The following DSCAM variants were observed in gnomAD, a reference collection of about 807,000 sequenced individuals.
The protein encoded by DSCAM is cell adhesion molecule DSCAM.
A neutral mutation model predicts 217.7 loss-of-function variants in DSCAM; 47 were observed. That is an observed-to-expected ratio of 0.22 (90% CI 0.17 to 0.28). The LOEUF (loss-of-function observed/expected upper bound fraction) is 0.28, where lower values mean the gene tolerates loss of function less well. Ranked by LOEUF, DSCAM falls within the 10% of genes least tolerant of loss-of-function variation. DSCAM has a pLI of 1.00. For synonymous variants in DSCAM, 1,056 were observed against 1,015.3 expected (o/e 1.04, Z -0.76); for missense variants, 2,080 against 2,618.3 (o/e 0.79, Z 4.49).
chr21:40,173,335 AC>A (rs1263926460), intron 15 of DSCAM, among the ~76,000 whole-genome samples: 1 of 152,166 alleles, frequency 6.6e-6, no homozygotes, highest in African/African-American at 2.4e-5. Context: ...AAGGGAAGAG[AC>A]GAAGAACATT....
chr21:40,309,776 C>G (rs1601538774), intron 9 of DSCAM, among the ~76,000 whole-genome samples: 2 of 152,300 alleles, frequency 1.3e-5, no homozygotes, highest in South Asian at 2.1e-4. Flanking sequence ...CTTCTCATGA[C>G]CTTAACATTA....
chr21:40,812,077 G>A (rs2091844727), intron 1 of DSCAM, among the ~76,000 whole-genome samples: 1 of 152,214 alleles, frequency 6.6e-6, no homozygotes, highest in South Asian at 2.1e-4. Flanking sequence ...AGGTTTACAG[G>A]GAAAATACCA....
At chr21:40,196,558 A>C (rs1426035767) in intron 11 of DSCAM, among the ~76,000 whole-genome samples, 2 of 151,428 alleles carry the variant, frequency 1.3e-5, no homozygotes, top group Admixed American at 6.6e-5. Context: ...TCCCCCACTA[A>C]TTGCCATTTC....
chr21:40,427,006 G>A (rs57864221), intron 3 of DSCAM, among the ~76,000 whole-genome samples: 22 of 152,260 alleles, frequency 1.4e-4, no homozygotes, highest in Admixed American at 2.0e-4. Context: ...TGTCAGCCCC[G>A]GGACCTGATG....
intron 20 of DSCAM, among the ~76,000 whole-genome samples, chr21:40,115,695 A>G (rs747804811): frequency 1.3e-5 from 2 of 152,208 alleles, no homozygotes; most frequent in Non-Finnish European, 2.9e-5. Flanking sequence ...ATGCTCATAC[A>G]CTGTTGATGG....
intron 3 of DSCAM, among the ~76,000 whole-genome samples, chr21:40,533,064 T>C (rs2076462138): frequency 6.6e-6 from 1 of 151,646 alleles, no homozygotes; most frequent in Admixed American, 6.6e-5. Flanking sequence ...ACTTTACAAG[T>C]TCAATGGAAA....
At chr21:40,095,751 C>G (rs1394094924) in intron 20 of DSCAM, among the ~76,000 whole-genome samples, 1 of 152,104 alleles carries the variant, frequency 6.6e-6, no homozygotes, top group Non-Finnish European at 1.5e-5. Context: ...AGAAATCAAT[C>G]AATCAAAATT....
Position 40,708,681 on chromosome 21 carries a change from G to C in DSCAM, c.134C>G (p.Pro45Arg). 6.2e-7 allele frequency: 1 copy of C among 1,612,592 alleles called. No individual in the cohort carries two copies. Among genetic ancestry groups the C allele is most frequent in the Non-Finnish European group, 8.5e-7 (1 of 1,179,368 alleles). ...AGGAGGGATGCCTGCTGCGGGGCAG[G>C]GCACCAGAGTCCCCGTGGTGCTGGC... ...VFASTTGTLV[P>R]CPAAGIPPVT... The change falls in exon 2 of 33, where the codon CCC becomes CGC. Residue 45 changes from proline (P) to arginine (R), a missense_variant. Pro to Arg is a moderately radical substitution (Grantham distance 103). Transcript: ENST00000400454.
chr21:40,219,738 T>C (rs2091274451), intron 11 of DSCAM, among the ~76,000 whole-genome samples: 3 of 152,240 alleles, frequency 2.0e-5, no homozygotes, highest in Admixed American at 2.0e-4. Context: ...TATCATTTAT[T>C]TTGTTTCTCT....
chr21:40,224,936 G>C (rs2091318617), intron 11 of DSCAM, among the ~76,000 whole-genome samples: 1 of 152,194 alleles, frequency 6.6e-6, no homozygotes, highest in Admixed American at 6.5e-5. Context: ...CCCACATGTA[G>C]TTGGCTCTAT....
chr21:40,515,290 G>C (rs1199855587), intron 3 of DSCAM, among the ~76,000 whole-genome samples: 1 of 151,998 alleles, frequency 6.6e-6, no homozygotes, highest in African/African-American at 2.4e-5. Flanking sequence ...ATATATAAAC[G>C]AAGGAACAGT....
chr21:40,297,373 C>T (rs13051169), intron 9 of DSCAM, among the ~76,000 whole-genome samples: 11,996 of 152,152 alleles, frequency 0.079, 488 homozygotes, highest in Middle Eastern at 0.11. Flanking sequence ...AGCAGATCAG[C>T]GATTCATTAC....
At chr21:40,748,124 C>G (rs1021342538) in intron 1 of DSCAM, among the ~76,000 whole-genome samples, 1 of 151,614 alleles carries the variant, frequency 6.6e-6, no homozygotes, top group South Asian at 2.1e-4. Context: ...GAGCAGGAAA[C>G]AGTTGAAAAC....
chr21:40,755,207 G>C (rs1253643123), intron 1 of DSCAM, among the ~76,000 whole-genome samples: 1 of 152,176 alleles, frequency 6.6e-6, no homozygotes, highest in East Asian at 1.9e-4. Flanking sequence ...CAGCACTTTG[G>C]GAGGCAGAGG....
intron 3 of DSCAM, among the ~76,000 whole-genome samples, chr21:40,571,711 C>T (rs1047216473): frequency 2.3e-4 from 35 of 152,102 alleles, no homozygotes; most frequent in African/African-American, 8.5e-4. Flanking sequence ...ATATTAAGCA[C>T]ATATTAAAGG....
chr21:40,791,628 G>A (rs1444027548), intron 1 of DSCAM, among the ~76,000 whole-genome samples: 1 of 152,154 alleles, frequency 6.6e-6, no homozygotes, highest in Admixed American at 6.5e-5. Flanking sequence ...ACTCCAGCCT[G>A]GGCGACAGAG....
At chr21:40,688,492 A>T (rs536921306) in intron 3 of DSCAM, among the ~76,000 whole-genome samples, 1 of 152,338 alleles carries the variant, frequency 6.6e-6, no homozygotes, top group East Asian at 1.9e-4. Context: ...CATTAATATT[A>T]TGGCATTTAA....
intron 3 of DSCAM, among the ~76,000 whole-genome samples, chr21:40,545,085 A>C (rs930119142): frequency 6.6e-6 from 1 of 152,168 alleles, no homozygotes; most frequent in African/African-American, 2.4e-5. Flanking sequence ...CTCAAGAATG[A>C]GATTAGTGCC....
chr21:40,692,772 G>C (rs774364785), intron 3 of DSCAM, 38 bp downstream of exon 3: 1 of 1,575,692 alleles, frequency 6.3e-7, no homozygotes, highest in Non-Finnish European at 8.7e-7. Context: ...TTCAGAAGGT[G>C]AGCGTGGTGT....
Sources: allele counts gnomAD v4.1 joint callset (sites outside exome capture counted in the v4.1 genomes callset), GRCh38; gene constraint gnomAD v4.1.1; transcripts MANE v1.5; gene names NCBI Gene and HGNC (gene_info 2026-07-23, HGNC 2026-07-21).